Variants in ZHX3 observed in about 807,000 individuals in gnomAD.
The protein encoded by ZHX3 is zinc fingers and homeoboxes protein 3.
ZHX3 carries 20 observed loss-of-function variants against 64.5 expected under a neutral mutation model. That is an observed-to-expected ratio of 0.31 (90% CI 0.22 to 0.45). ZHX3 has a LOEUF of 0.45. Among genes scored for constraint, ZHX3 ranks in the 20% least tolerant of loss-of-function variants. ZHX3 has a pLI of 1.00. For synonymous variants in ZHX3, 423 were observed against 461.6 expected (o/e 0.92, Z 1.07); for missense variants, 1,041 against 1,195.8 (o/e 0.87, Z 1.91).
chr20:41,204,861 A>G lies in ZHX3; in HGVS notation c.56T>C (p.Val19Ala). ...GGCCTCCATGCTGGCATCTTGCAACACCACAGTCTTCACTGGGATCATGCA... is the reference window on the plus strand; with the variant it reads ...GGCCTCCATGCTGGCATCTTGCAACGCCACAGTCTTCACTGGGATCATGCA... ...TPCMIPVKTV[V>A]LQDASMEAQP... is the part of the protein sequence containing the mutation. The change falls in exon 3 of 4, where the codon GTG (valine) becomes GCG (alanine). Residue 19 changes from valine to alanine, a missense_variant. This residue lies in a region of ZHX3 where 358 missense variants were observed against 369.1 expected (regional missense o/e 0.97). Transcript: ENST00000683867. The surrounding 1 kb of genome is among the most constrained non-coding windows in gnomAD (Gnocchi z 6.6). 2 of 1,580,170 alleles carry G rather than the reference A, an allele frequency of 1.3e-6. No homozygotes were observed. The highest frequency in any genetic ancestry group is 8.6e-7 in the Non-Finnish European group (1 of 1,163,392).
At chr20:41,261,640 G>A (rs2042567433) in intron 2 of ZHX3, among the ~76,000 whole-genome samples, 1 of 152,206 alleles carries the variant, frequency 6.6e-6, no homozygotes, top group Non-Finnish European at 1.5e-5. Context: ...GCCACCCCAT[G>A]CTGGACATGT....
At chr20:41,315,415 G>A (rs2045261681) in intron 1 of ZHX3, among the ~76,000 whole-genome samples, 2 of 131,270 alleles carry the variant, frequency 1.5e-5, no homozygotes, top group South Asian at 2.5e-4. Flanking sequence ...GGCTGGTCTC[G>A]AACTCCTGAC....
intron 2 of ZHX3, among the ~76,000 whole-genome samples, chr20:41,255,950 C>T (rs574101412): frequency 6.6e-5 from 10 of 152,314 alleles, no homozygotes; most frequent in African/African-American, 1.9e-4. Context: ...TTCAACATCA[C>T]AGCCTGAAAG....
chr20:41,200,788 C>G lies in ZHX3; in HGVS notation c.2860+1269G>C, dbSNP rs2038154476. On this transcript the variant is annotated intron_variant, in intron 3 of 3. Transcript: ENST00000683867. This position sits in a 1 kb window ranked among gnomAD's most constrained non-coding sequence, Gnocchi z 4.2. ...AGATGGATGACATGGTACTCCCCGC[C>G]CCCAACCCACCAAATTATGGGCCAA... Among the ~76,000 whole-genome samples, 1 of 152,172 alleles carries G rather than the reference C, an allele frequency of 6.6e-6. No individual in the cohort carries two copies. The highest frequency in any genetic ancestry group is 2.1e-4 in the South Asian group (1 of 4,828).
intron 2 of ZHX3, among the ~76,000 whole-genome samples, chr20:41,216,924 T>C (rs1292487925): frequency 6.6e-6 from 1 of 152,234 alleles, no homozygotes; most frequent in African/African-American, 2.4e-5. Context: ...ATTTGGAATC[T>C]ACATTTCTTT....
At chr20:41,227,383 G>A (rs1297035042) in intron 2 of ZHX3, among the ~76,000 whole-genome samples, 1 of 152,190 alleles carries the variant, frequency 6.6e-6, no homozygotes, top group Admixed American at 6.5e-5. Flanking sequence ...TCCTGAAAAT[G>A]AGAGTGGCTG....
chr20:41,185,143 C>T lies in ZHX3; in HGVS notation c.*48G>A. 2 of 1,598,374 alleles carry T rather than the reference C, an allele frequency of 1.3e-6. No homozygotes were observed. Among genetic ancestry groups the T allele is most frequent in the East Asian group, 2.2e-5 (1 of 44,528 alleles). The stretch of plus-strand genomic sequence containing the variant: ...AGTCGGGTTTGGCTCTTCCACGTGG[C>T]AGGCGGTTTCCCAGACTGGCCAGTC... On this transcript the variant is annotated 3_prime_UTR_variant, in exon 4 of 4. Transcript: ENST00000683867. The surrounding 1 kb of genome is among the most constrained non-coding windows in gnomAD (Gnocchi z 5.0).
At chr20:41,270,677 G>GAA (rs11317009) in intron 1 of ZHX3, among the ~76,000 whole-genome samples, 7 of 138,934 alleles carry the variant, frequency 5.0e-5, no homozygotes, top group South Asian at 4.6e-4. Flanking sequence ...CTCCGTCTCA[G>GAA]AAAAAAAAAA....
At chr20:41,275,629 C>T (rs1227516913) in intron 1 of ZHX3, among the ~76,000 whole-genome samples, 5 of 152,214 alleles carry the variant, frequency 3.3e-5, no homozygotes, top group Non-Finnish European at 5.9e-5. Flanking sequence ...GCATAACATC[C>T]GTAGGAGACT....
rs144179503 is a variant in ZHX3, at chr20:41,248,946, C to T, written c.-151+20044G>A. ...TCAGAAAGGTTAGTCAAGCAATGGG[C>T]GTAATTCCTGTGTGTCACAGCCAAT... On this transcript the variant is annotated intron_variant, in intron 2 of 3. Coordinates refer to ENST00000683867, the MANE Select transcript of ZHX3 (RefSeq NM_001384317.1). Among the ~76,000 whole-genome samples, 7 of 152,186 alleles carry T rather than the reference C, an allele frequency of 4.6e-5. No individual in the cohort carries two copies. The East Asian group carries it at 5.8e-4, about 13-fold the overall frequency.
intron 2 of ZHX3, among the ~76,000 whole-genome samples, chr20:41,245,365 T>C (rs2041629926): frequency 6.6e-6 from 1 of 152,252 alleles, no homozygotes; most frequent in African/African-American, 2.4e-5. Context: ...TCATGCAAGC[T>C]GTAGCTGCCT....
intron 2 of ZHX3, among the ~76,000 whole-genome samples, chr20:41,210,639 C>G (rs956692888): frequency 6.6e-6 from 1 of 152,114 alleles, no homozygotes; most frequent in African/African-American, 2.4e-5. Context: ...TAGGTGGGAA[C>G]TGAACAATGA....
chr20:41,281,575 A>G (rs1473015850), intron 1 of ZHX3, among the ~76,000 whole-genome samples: 1 of 152,244 alleles, frequency 6.6e-6, no homozygotes, highest in East Asian at 1.9e-4. Context: ...AGAGTAGCAG[A>G]CATAAAATCT....
chr20:41,264,471 A>T (rs1448192004), intron 2 of ZHX3, among the ~76,000 whole-genome samples: 1 of 150,944 alleles, frequency 6.6e-6, no homozygotes, highest in Non-Finnish European at 1.5e-5. Flanking sequence ...AGATGGGAGA[A>T]TCACTTGAAC....
At chr20:41,187,742 T>C (rs1360968052) in intron 3 of ZHX3, among the ~76,000 whole-genome samples, 7 of 152,334 alleles carry the variant, frequency 4.6e-5, no homozygotes, top group African/African-American at 7.2e-5. Context: ...GTTTGTCTAT[T>C]TGGGGTCCCC....
intron 2 of ZHX3, among the ~76,000 whole-genome samples, chr20:41,218,500 T>A (rs940305243): frequency 1.1e-4 from 16 of 152,294 alleles, no homozygotes; most frequent in Middle Eastern, 3.4e-3. Context: ...GTTATTATGA[T>A]CCTTAGTATT....
At chr20:41,272,643 G>A (rs1050308705) in intron 1 of ZHX3, among the ~76,000 whole-genome samples, 1 of 152,020 alleles carries the variant, frequency 6.6e-6, no homozygotes, top group Non-Finnish European at 1.5e-5. Flanking sequence ...TGACCTTTTC[G>A]GTTGGCTTTC....
At chr20:41,261,368 C>T (rs948563633) in intron 2 of ZHX3, among the ~76,000 whole-genome samples, 1 of 152,092 alleles carries the variant, frequency 6.6e-6, no homozygotes, top group Non-Finnish European at 1.5e-5. Flanking sequence ...TGATGCCACC[C>T]CCAGACCAAG....
At chr20:41,298,881 G>T (rs1229444263) in intron 1 of ZHX3, among the ~76,000 whole-genome samples, 3 of 152,184 alleles carry the variant, frequency 2.0e-5, no homozygotes, top group Non-Finnish European at 4.4e-5. Context: ...GAAAGACTAA[G>T]GAAGTCCAGT....
Sources: gnomAD v4.1 joint callset for allele counts (sites outside exome capture counted in the v4.1 genomes callset) on GRCh38, gnomAD v4.1.1 for gene constraint, gnomAD v4.1.1 regional missense constraint, Gnocchi (gnomAD v3.1) non-coding constraint, MANE v1.5 for transcripts, NCBI Gene and HGNC (gene_info 2026-07-23, HGNC 2026-07-21) for gene names.